Variants in SCMH1 observed in about 807,000 individuals in gnomAD.
SCMH1 encodes the protein Scm polycomb group protein homolog 1.
A neutral mutation model predicts 70.8 loss-of-function variants in SCMH1; 37 were observed. That is an observed-to-expected ratio of 0.52 (90% CI 0.40 to 0.69). The LOEUF (loss-of-function observed/expected upper bound fraction) is 0.69. Ranked by LOEUF, SCMH1 falls within the 30% of genes least tolerant of loss-of-function variation. SCMH1 has a pLI of 0.00. For synonymous variants in SCMH1, 292 were observed against 307.4 expected (o/e 0.95, Z 0.52); for missense variants, 607 against 827.3 (o/e 0.73, Z 3.27).
chr1:41,107,301 T>C (rs1668194058), intron 8 of SCMH1, among the ~76,000 whole-genome samples: 1 of 151,872 alleles, frequency 6.6e-6, no homozygotes, highest in Non-Finnish European at 1.5e-5. Context: ...CGTACTTTAT[T>C]GGTCTATATG....
chr1:41,222,798 C>T (rs936774940), intron 1 of SCMH1, among the ~76,000 whole-genome samples: 4 of 152,138 alleles, frequency 2.6e-5, no homozygotes, highest in Non-Finnish European at 5.9e-5. Flanking sequence ...TGGAAACTGA[C>T]ATTGCATAAT....
In SCMH1 at chr1:41,226,070, T is replaced by C. The variant is rs375511697; in HGVS notation, c.-118+15989A>G. 8.9e-4 allele frequency among the ~76,000 whole-genome samples: 136 copies of C among 152,306 alleles called. 2 individuals are homozygous for C. In the South Asian group the frequency reaches 0.028, roughly 31 times the overall value. On this transcript the variant is annotated intron_variant, in intron 1 of 14. Transcript: ENST00000337495. ...GTGGTCTTCATAAGCAAAATGTTTGTTACCTGTTTGCAAAAAGTACAGAAT... is the reference window on the plus strand; with the variant it reads ...GTGGTCTTCATAAGCAAAATGTTTGCTACCTGTTTGCAAAAAGTACAGAAT...
chr1:41,195,118 T>G (rs973240358), intron 1 of SCMH1, among the ~76,000 whole-genome samples: 2 of 109,548 alleles, frequency 1.8e-5, no homozygotes, highest in African/African-American at 7.5e-5. Context: ...GCAACAAGAT[T>G]GAAACTCTCT....
At chr1:41,073,913 T>C (rs895457120) in intron 9 of SCMH1, among the ~76,000 whole-genome samples, 3 of 152,078 alleles carry the variant, frequency 2.0e-5, no homozygotes, top group Non-Finnish European at 2.9e-5. Flanking sequence ...TTAATGAGAT[T>C]GGGATAGAAT....
intron 6 of SCMH1, among the ~76,000 whole-genome samples, chr1:41,134,034 A>C (rs532191168): frequency 4.6e-5 from 7 of 152,228 alleles, no homozygotes; most frequent in African/African-American, 1.7e-4. Context: ...AAAATCCTCA[A>C]TAAAACACTG....
chr1:41,091,410 C>A (rs1381854977), intron 8 of SCMH1, among the ~76,000 whole-genome samples: 1 of 152,146 alleles, frequency 6.6e-6, no homozygotes, highest in African/African-American at 2.4e-5. Flanking sequence ...TTATTTATGA[C>A]AAACCCACAG....
At chr1:41,037,110 G>C (rs1397792955) in intron 13 of SCMH1, among the ~76,000 whole-genome samples, 1 of 151,296 alleles carries the variant, frequency 6.6e-6, no homozygotes, top group African/African-American at 2.5e-5. Flanking sequence ...ATGGATGAAT[G>C]AGTGAATGAA....
intron 6 of SCMH1, among the ~76,000 whole-genome samples, chr1:41,141,679 C>CAGAGTCTCG (rs1644087563): frequency 6.6e-6 from 1 of 152,070 alleles, no homozygotes; most frequent in Admixed American, 6.5e-5. Context: ...AGACAAATGA[C>CAGAGTCTCG]TTAGGTTTTT....
chr1:41,073,772 T>A (rs2148895070), intron 9 of SCMH1, among the ~76,000 whole-genome samples: 1 of 152,252 alleles, frequency 6.6e-6, no homozygotes, highest in South Asian at 2.1e-4. Context: ...AGAAAAAGAT[T>A]AGGTTCTTGA....
intron 1 of SCMH1, among the ~76,000 whole-genome samples, chr1:41,189,000 T>C (rs1302598764): frequency 2.6e-5 from 4 of 152,176 alleles, no homozygotes; most frequent in Admixed American, 2.0e-4. Flanking sequence ...TATGCCAATA[T>C]GCAGAGAAAT....
chr1:41,126,256 T>A (rs1318197696), intron 6 of SCMH1, among the ~76,000 whole-genome samples: 2 of 152,190 alleles, frequency 1.3e-5, no homozygotes, highest in Non-Finnish European at 2.9e-5. Flanking sequence ...ATATTAAAGG[T>A]ATACTGTGAA....
chr1:41,100,264 G>C (rs982943495), intron 8 of SCMH1, among the ~76,000 whole-genome samples: 2 of 152,202 alleles, frequency 1.3e-5, no homozygotes, highest in East Asian at 3.9e-4. Context: ...AATTGTAAAA[G>C]CACTTTCCAC....
intron 1 of SCMH1, among the ~76,000 whole-genome samples, chr1:41,236,956 C>G (rs1205776030): frequency 6.6e-6 from 1 of 152,196 alleles, no homozygotes; most frequent in Non-Finnish European, 1.5e-5. Flanking sequence ...AGAGTTAACA[C>G]TAAGGTCTTG....
At chr1:41,221,705 TG>T (rs1232943431) in intron 1 of SCMH1, among the ~76,000 whole-genome samples, 2 of 151,198 alleles carry the variant, frequency 1.3e-5, no homozygotes, top group Admixed American at 1.3e-4. Flanking sequence ...CTGGCCAACA[TG>T]GCGAAACCCT....
At chr1:41,066,635 G>A (rs950212743) in intron 10 of SCMH1, among the ~76,000 whole-genome samples, 1 of 152,162 alleles carries the variant, frequency 6.6e-6, no homozygotes, top group Non-Finnish European at 1.5e-5. Flanking sequence ...GTGCAGTGGT[G>A]TGATTTTGGC....
intron 2 of SCMH1, among the ~76,000 whole-genome samples, chr1:41,185,507 G>A (rs1480886495): frequency 6.6e-6 from 1 of 152,122 alleles, no homozygotes; most frequent in African/African-American, 2.4e-5. Flanking sequence ...CTTTCTAAAT[G>A]TGGCTACTAC....
intron 8 of SCMH1, among the ~76,000 whole-genome samples, chr1:41,094,228 C>T (rs1488472054): frequency 2.0e-5 from 3 of 152,126 alleles, no homozygotes; most frequent in Non-Finnish European, 2.9e-5. Context: ...GGCTTATGCC[C>T]GAGTTGCTTT....
chr1:41,112,074 C>T (rs976706341), intron 8 of SCMH1, among the ~76,000 whole-genome samples: 1 of 152,144 alleles, frequency 6.6e-6, no homozygotes, highest in African/African-American at 2.4e-5. Context: ...ACTATCCCAT[C>T]ATACTTTATT....
At chr1:41,117,058 G>C (rs780754714) in intron 6 of SCMH1, 48 bp from the exon 7 acceptor site, 3 of 1,539,536 alleles carry the variant, frequency 1.9e-6, no homozygotes, top group Middle Eastern at 1.7e-4. Context: ...TTTCAAAAAT[G>C]AATGGTGATG....
Sources: allele counts gnomAD v4.1 joint callset (sites outside exome capture counted in the v4.1 genomes callset), GRCh38; gene constraint gnomAD v4.1.1; transcripts MANE v1.5; gene names NCBI Gene and HGNC (gene_info 2026-07-23, HGNC 2026-07-21).